HTR2C: variants seen among roughly 807,000 people sequenced by gnomAD.
The protein encoded by HTR2C is 5-hydroxytryptamine (serotonin) receptor 2C, G protein-coupled.
HTR2C carries 5 observed loss-of-function variants against 21.0 expected under a neutral mutation model. The ratio of observed to expected loss-of-function variants is 0.24; its 90% CI spans 0.12 to 0.50. HTR2C has a LOEUF of 0.50. Among genes scored for constraint, HTR2C ranks in the 20% least tolerant of loss-of-function variants. The pLI is 0.98. For synonymous variants in HTR2C, 150 were observed against 145.3 expected (o/e 1.03, Z -0.23); for missense variants, 271 against 371.2 (o/e 0.73, Z 2.22).
chrX:114,794,845 A>G (rs1169047904), intron 4 of HTR2C, among the ~76,000 whole-genome samples: 36 of 109,914 alleles, frequency 3.3e-4, no homozygotes, highest in African/African-American at 9.6e-4. Flanking sequence ...AAACGTGTGC[A>G]TGTGTCTTTA....
chrX:114,803,605 T>G (rs892726682), intron 4 of HTR2C, among the ~76,000 whole-genome samples: 16 of 103,424 alleles, frequency 1.5e-4, no homozygotes, highest in African/African-American at 2.4e-4. Context: ...TAAATTTGTT[T>G]GAGTTCATTG....
At chrX:114,727,065 A>G (rs192853841) in intron 3 of HTR2C, 94 bp downstream of exon 3, 5,303 of 485,399 alleles carry the variant, frequency 0.011, 35 homozygotes, top group Non-Finnish European at 0.013. Context: ...ATGATCAGCT[A>G]TATTTGCCTA....
At chrX:114,639,138 A>G (rs782579243) in intron 2 of HTR2C, among the ~76,000 whole-genome samples, 21 of 112,129 alleles carry the variant, frequency 1.9e-4, no homozygotes, top group African/African-American at 6.5e-4. Context: ...TTTATTATTA[A>G]AAGAAAAAGG....
chrX:114,605,403 A>G (rs1928367298), intron 1 of HTR2C, among the ~76,000 whole-genome samples: 1 of 110,547 alleles, frequency 9.0e-6, no homozygotes, highest in Non-Finnish European at 1.9e-5. Context: ...GAAAAGGAAG[A>G]TTAGACAGAC....
intron 5 of HTR2C, among the ~76,000 whole-genome samples, chrX:114,876,142 CTAAA>C (rs1292354634): frequency 9.1e-6 from 1 of 109,437 alleles, no homozygotes; most frequent in African/African-American, 3.3e-5. Flanking sequence ...AAATTTATTC[CTAAA>C]TATTTTATTC....
At chrX:114,642,665 G>T (rs1250154941) in intron 2 of HTR2C, among the ~76,000 whole-genome samples, 1 of 111,603 alleles carries the variant, frequency 9.0e-6, no homozygotes, top group Non-Finnish European at 1.9e-5. Context: ...TAGGCTTTAG[G>T]TGTTGTTGCT....
At chrX:114,903,796 A>C (rs2071353578) in intron 5 of HTR2C, among the ~76,000 whole-genome samples, 1 of 112,146 alleles carries the variant, frequency 8.9e-6, no homozygotes, top group Admixed American at 9.5e-5. Flanking sequence ...CCTGTGGGAA[A>C]TTGAAGGTAC....
At chrX:114,778,999 C>T (rs1055786477) in intron 4 of HTR2C, among the ~76,000 whole-genome samples, 2 of 111,700 alleles carry the variant, frequency 1.8e-5, no homozygotes, top group Non-Finnish European at 1.9e-5. Flanking sequence ...TTAAAAGTTC[C>T]GTATATAAAT....
intron 4 of HTR2C, among the ~76,000 whole-genome samples, chrX:114,764,170 G>A (rs1276984698): frequency 3.6e-5 from 4 of 110,554 alleles, no homozygotes; most frequent in African/African-American, 6.6e-5. Flanking sequence ...AGGCCGAGGC[G>A]GGCAGATCAC....
rs782242703 is a variant in HTR2C, at chrX:114,604,758, C to T, written c.-146-9057C>T. Among the ~76,000 whole-genome samples, 41 of 111,120 alleles carry T rather than the reference C, an allele frequency of 3.7e-4. No homozygotes were observed. The East Asian group carries it at 0.011, about 29-fold the overall frequency. On this transcript the variant is annotated intron_variant, in intron 1 of 5. Transcript: ENST00000276198. ...TGGCCTGGTGGTCAGATTTCTGGCA[C>T]GTGTAGCAAGCTCCTGTGGGAGGAG...
chrX:114,835,876 G>C (rs1159979453), intron 4 of HTR2C, among the ~76,000 whole-genome samples: 4 of 109,813 alleles, frequency 3.6e-5, no homozygotes, highest in African/African-American at 1.3e-4. Context: ...ATGTACAGAT[G>C]GGTTTTTGGT....
At chrX:114,689,970 G>A (rs1932058808) in intron 2 of HTR2C, among the ~76,000 whole-genome samples, 1 of 111,250 alleles carries the variant, frequency 9.0e-6, no homozygotes, top group Non-Finnish European at 1.9e-5. Flanking sequence ...ATTTATAAAA[G>A]GTATCAATTT....
chrX:114,889,301 A>T (rs5988154), intron 5 of HTR2C, among the ~76,000 whole-genome samples: 2 of 111,719 alleles, frequency 1.8e-5, no homozygotes, highest in Admixed American at 9.5e-5. Flanking sequence ...GTTGCTAAGG[A>T]GTTCTGTGTT....
chrX:114,806,989 CAT>C (rs1339385969), intron 4 of HTR2C, among the ~76,000 whole-genome samples: 1 of 87,404 alleles, frequency 1.1e-5, no homozygotes, highest in African/African-American at 4.1e-5. Context: ...ATATATACCA[CAT>C]ATATATACCA....
intron 4 of HTR2C, among the ~76,000 whole-genome samples, chrX:114,830,368 G>T (rs1403321798): frequency 9.0e-6 from 1 of 111,515 alleles, no homozygotes; most frequent in African/African-American, 3.3e-5. Flanking sequence ...CAGGAGGTAA[G>T]GGAAGTGGGA....
At chrX:114,787,039 C>T (rs1368627301) in intron 4 of HTR2C, among the ~76,000 whole-genome samples, 1 of 111,560 alleles carries the variant, frequency 9.0e-6, no homozygotes, top group Non-Finnish European at 1.9e-5. Context: ...TTACAATTTT[C>T]GACATCTGCC....
At chrX:114,730,740 C>A (rs1455776749) in intron 3 of HTR2C, among the ~76,000 whole-genome samples, 1 of 111,573 alleles carries the variant, frequency 9.0e-6, no homozygotes, top group African/African-American at 3.2e-5. Flanking sequence ...TTAAGAAAAT[C>A]CCCCTTCATT....
intron 5 of HTR2C, among the ~76,000 whole-genome samples, chrX:114,887,669 A>G (rs2071229591): frequency 9.0e-6 from 1 of 110,813 alleles, no homozygotes; most frequent in Non-Finnish European, 1.9e-5. Flanking sequence ...GTTTTTCTTC[A>G]TTAGGCATTT....
At chrX:114,661,177 G>A (rs1312523144) in intron 2 of HTR2C, among the ~76,000 whole-genome samples, 2 of 111,182 alleles carry the variant, frequency 1.8e-5, no homozygotes, top group African/African-American at 3.3e-5. Flanking sequence ...AAAGTTGGCC[G>A]GGCGCGGTGG....
Sources: allele counts gnomAD v4.1 joint callset (sites outside exome capture counted in the v4.1 genomes callset), GRCh38; gene constraint gnomAD v4.1.1; transcripts MANE v1.5; gene names NCBI Gene and HGNC (gene_info 2026-07-23, HGNC 2026-07-21).